Variants in DNAJB4 observed in about 807,000 individuals in gnomAD.
DNAJB4 encodes DnaJ heat shock protein family (Hsp40) member B4, also known as dnaJ homolog subfamily B member 4.
Under a neutral mutation model 26.6 loss-of-function variants are expected in DNAJB4, and 10 were observed. That is an observed-to-expected ratio of 0.38 (90% confidence interval 0.23 to 0.64). The LOEUF is 0.64. DNAJB4 is among the 30% of genes least tolerant of loss of function. The pLI is 0.58. For missense variants in DNAJB4, 328 were observed against 408.2 expected (o/e 0.80, Z 1.69); for synonymous variants, 136 against 134.8 (o/e 1.01, Z -0.06).
intron 1 of DNAJB4, among the ~76,000 whole-genome samples, chr1:77,984,268 T>C (rs909617419): frequency 7.2e-5 from 11 of 152,340 alleles, no homozygotes; most frequent in Admixed American, 2.0e-4. Context: ...CTACTTTCAA[T>C]TGGGGTCTGT....
At chr1:78,000,940 G>A (rs1458732195), upstream of DNAJB4, among the ~76,000 whole-genome samples, 6 of 152,000 alleles carry the variant, frequency 3.9e-5, no homozygotes, top group East Asian at 3.9e-4. Flanking sequence ...CCGAGATTGT[G>A]CCACTGCACT....
chr1:78,003,515 C>T (rs1414106492), upstream of DNAJB4, among the ~76,000 whole-genome samples: 1 of 152,130 alleles, frequency 6.6e-6, no homozygotes, highest in African/African-American at 2.4e-5. Context: ...TAGGCGTTCT[C>T]ATTTCTTTAA....
At chr1:77,989,805 A>T (rs1659890196) in intron 1 of DNAJB4, among the ~76,000 whole-genome samples, 6 of 152,230 alleles carry the variant, frequency 3.9e-5, no homozygotes, top group Admixed American at 3.9e-4. Flanking sequence ...CTGTCAAGTT[A>T]GGCTCTTACT....
intron 1 of DNAJB4, among the ~76,000 whole-genome samples, chr1:78,007,683 C>T (rs960115085): frequency 6.6e-6 from 1 of 152,020 alleles, no homozygotes; most frequent in African/African-American, 2.4e-5. Context: ...ATTTGTTTGC[C>T]GTTTATTCAG....
intron 1 of DNAJB4, among the ~76,000 whole-genome samples, chr1:77,990,831 C>T (rs1659914879): frequency 6.6e-6 from 1 of 152,192 alleles, no homozygotes; most frequent in South Asian, 2.1e-4. Context: ...CATAGTCATC[C>T]TACTTTAGGT....
intron 1 of DNAJB4, among the ~76,000 whole-genome samples, chr1:77,986,589 C>T (rs1437707714): frequency 6.6e-6 from 1 of 152,224 alleles, no homozygotes; most frequent in African/African-American, 2.4e-5. Flanking sequence ...AACTCTTAAT[C>T]AGTTCAAATT....
chr1:77,979,784 T>C (rs17101109), upstream of DNAJB4, among the ~76,000 whole-genome samples: 7,197 of 152,330 alleles, frequency 0.047, 226 homozygotes, highest in East Asian at 0.11. Context: ...ACTGCCCTTT[T>C]CTTTATCCAA....
chr1:78,000,282 A>G (rs1296039660), upstream of DNAJB4, among the ~76,000 whole-genome samples: 2 of 152,180 alleles, frequency 1.3e-5, no homozygotes, highest in Admixed American at 1.3e-4. Context: ...ATTCCTCACT[A>G]CGTGCCAATC....
intron 1 of DNAJB4, chr1:77,980,401 C>T (rs1317841034): frequency 6.7e-6 from 1 of 150,164 alleles, no homozygotes; most frequent in Non-Finnish European, 1.5e-5. Flanking sequence ...TTATGTACTT[C>T]AGTTACCAAG....
chr1:77,982,993 A>G (rs1001842589), intron 1 of DNAJB4, among the ~76,000 whole-genome samples: 8 of 152,204 alleles, frequency 5.3e-5, no homozygotes, highest in Non-Finnish European at 1.2e-4. Context: ...AGTATGCTGA[A>G]CCAGCGTTCA....
At chr1:77,987,612 C>T (rs982398936) in intron 1 of DNAJB4, among the ~76,000 whole-genome samples, 29 of 152,176 alleles carry the variant, frequency 1.9e-4, no homozygotes, top group African/African-American at 6.5e-4. Context: ...CTCCCTTCTC[C>T]CCTCTCTATT....
chr1:78,012,985 G>A, intron 1 of DNAJB4, 66 bp from the exon 2 acceptor site: 1 of 1,415,514 alleles, frequency 7.1e-7, no homozygotes, highest in Non-Finnish European at 9.5e-7. Context: ...TAGCAATACA[G>A]TTTTTGAAAG....
At chr1:78,011,662 A>G (rs527972447) in intron 1 of DNAJB4, among the ~76,000 whole-genome samples, 15 of 151,338 alleles carry the variant, frequency 9.9e-5, no homozygotes, top group African/African-American at 3.2e-4. Context: ...TTTTGTATTT[A>G]TAGTAGAGAC....
chr1:78,016,498 A>G lies in DNAJB4; in HGVS notation c.*251A>G, dbSNP rs939148952. The G allele has an allele frequency of 2.8e-5, 13 of 465,672 alleles. No homozygotes were observed. The highest frequency in any genetic ancestry group is 4.5e-5 in the Non-Finnish European group (12 of 264,614). 28.8% of individuals were successfully genotyped at this position (465,672 alleles called of 1,614,324 possible). On this transcript the variant is annotated 3_prime_UTR_variant, in exon 3 of 3. Transcript: ENST00000370763. ...CAGATATTTTTAGTAATTTGCTTAT[A>G]TGTAAAAGTTGTTTTTGTGGAGTCA...
At chr1:77,985,060 C>T (rs1406630941) in intron 1 of DNAJB4, among the ~76,000 whole-genome samples, 1 of 152,048 alleles carries the variant, frequency 6.6e-6, no homozygotes, top group Non-Finnish European at 1.5e-5. Flanking sequence ...TTCTTAGGTA[C>T]AAGAGGAAGA....
upstream of DNAJB4, chr1:78,004,854 A>T: frequency 6.4e-6 from 3 of 466,286 alleles, no homozygotes; most frequent in Non-Finnish European, 1.2e-5. Flanking sequence ...TAGAAAGTAC[A>T]GAGACACGTA....
At chr1:78,008,022 G>A (rs544173710) in intron 1 of DNAJB4, among the ~76,000 whole-genome samples, 1 of 152,264 alleles carries the variant, frequency 6.6e-6, no homozygotes, top group Non-Finnish European at 1.5e-5. Context: ...CAGTATATTT[G>A]TGTTCTGAAT....
At position 78,013,371 on chromosome 1, in the gene DNAJB4, C is replaced by T. The variant is rs760210107; in HGVS notation, c.532C>T (p.Arg178Trp). 31 of 1,613,920 alleles carry T rather than the reference C, an allele frequency of 1.9e-5. No individual in the cohort carries two copies. The highest frequency in any genetic ancestry group is 1.6e-4 in the Middle Eastern group (1 of 6,082). ...AGAGATATATAGTGGTTGTACCAAA[C>T]GGATGAAGATTTCTCGAAAAAGGCT... is the stretch of plus-strand genomic sequence containing the variant. Reference protein sequence around the residue: ...LEEIYSGCTKRMKISRKRLNA... With the variant: ...LEEIYSGCTKWMKISRKRLNA... Residue 178 changes from arginine (R) to tryptophan (W), a missense_variant, in exon 2 of 3, where the codon CGG (arginine) becomes TGG (tryptophan). Arg to Trp is a moderately radical substitution (Grantham distance 101). Transcript: ENST00000370763.
chr1:78,017,768 C>CTTTTTT lies in DNAJB4; in HGVS notation c.*1529_*1534dup, dbSNP rs11422199. 7.0e-6 allele frequency: 1 copy of CTTTTTT among 142,222 alleles called. No individual in the cohort carries two copies. 8.8% of individuals were successfully genotyped at this position (142,222 alleles called of 1,614,324 possible). A position where few individuals can be genotyped will look rare whatever the true frequency, so the allele number is the denominator to read the frequency against. ...ATAAATAGACTCAAACAATATATGG[C>CTTTTTT]TTTTTTTTTTTTTGGTCTGGCCTCT... On this transcript the variant is annotated 3_prime_UTR_variant, in exon 3 of 3. Transcript: ENST00000370763.
Sources: gnomAD v4.1 joint callset for allele counts (sites outside exome capture counted in the v4.1 genomes callset) on GRCh38, gnomAD v4.1.1 for gene constraint, MANE v1.5 for transcripts, NCBI Gene and HGNC (gene_info 2026-07-23, HGNC 2026-07-21) for gene names.